Variants in F5 observed in about 807,000 individuals in gnomAD.
F5 encodes coagulation factor V.
A neutral mutation model predicts 216.4 loss-of-function variants in F5; 138 were observed. The ratio of observed to expected loss-of-function variants is 0.64; its 90% CI spans 0.56 to 0.73. The LOEUF (loss-of-function observed/expected upper bound fraction) is 0.73, where lower values mean the gene tolerates loss of function less well. F5 is among the 30% of genes least tolerant of loss of function. The probability of loss-of-function intolerance (pLI) is 0.00; values close to 1 mark genes in which losing one functional copy is unlikely to be tolerated. For synonymous variants in F5, 916 were observed against 930.7 expected (o/e 0.98, Z 0.29); for missense variants, 2,403 against 2,674.0 (o/e 0.90, Z 2.24).
At chr1:169,557,009 T>C (rs1413508300) in intron 5 of F5, 142 bp from the exon 6 acceptor site, 4 of 737,616 alleles carry the variant, frequency 5.4e-6, no homozygotes, top group Admixed American at 2.2e-5. Context: ...ACTCCAGTTG[T>C]AGTTTGTGCC....
intron 2 of F5, among the ~76,000 whole-genome samples, chr1:169,579,369 C>A (rs1167419928): frequency 6.6e-6 from 1 of 152,146 alleles, no homozygotes; most frequent in African/African-American, 2.4e-5. Flanking sequence ...CTGTCTGCAG[C>A]CTTCTCTTCT....
intron 4 of F5, among the ~76,000 whole-genome samples, chr1:169,559,905 A>G (rs7529700): frequency 0.32 from 48,802 of 151,706 alleles, 10,397 homozygotes; most frequent in East Asian, 0.65. Flanking sequence ...CTGAGCGTGT[A>G]TGTATAGGCA....
At chr1:169,580,272 G>T (rs1455195725) in intron 2 of F5, among the ~76,000 whole-genome samples, 1 of 151,990 alleles carries the variant, frequency 6.6e-6, no homozygotes, top group Non-Finnish European at 1.5e-5. Flanking sequence ...TCTATCCATA[G>T]GTTATCCCCA....
intron 3 of F5, among the ~76,000 whole-genome samples, chr1:169,565,745 T>G (rs535036857): frequency 6.6e-6 from 1 of 152,152 alleles, no homozygotes; most frequent in East Asian, 1.9e-4. Context: ...GGACCAATTT[T>G]GTTCACTGAA....
chr1:169,521,880 A>G (rs997976346), intron 21 of F5, among the ~76,000 whole-genome samples: 2 of 151,920 alleles, frequency 1.3e-5, no homozygotes, highest in Non-Finnish European at 2.9e-5. Flanking sequence ...CGGCCTCCCA[A>G]AGTGCTGGGA....
chr1:169,570,876 T>G (rs1203944430), intron 3 of F5, among the ~76,000 whole-genome samples: 1 of 152,086 alleles, frequency 6.6e-6, no homozygotes, highest in African/African-American at 2.4e-5. Flanking sequence ...ACATGATTAT[T>G]ATTACCATTT....
intron 10 of F5, among the ~76,000 whole-genome samples, chr1:169,548,633 T>G (rs1482255917): frequency 2.6e-5 from 4 of 152,120 alleles, no homozygotes; most frequent in African/African-American, 9.7e-5. Flanking sequence ...TTTGGGAGGC[T>G]GAGGCAGGTG....
intron 3 of F5, among the ~76,000 whole-genome samples, chr1:169,570,481 A>G (rs980988490): frequency 2.0e-5 from 3 of 152,002 alleles, no homozygotes; most frequent in African/African-American, 7.2e-5. Flanking sequence ...CATAGGAGAA[A>G]CTCCTGTTCC....
rs766405017 is a variant in F5, at chr1:169,524,820, A to G, written c.5788+17T>C. 6.8e-6 allele frequency: 11 copies of G among 1,609,520 alleles called. No individual in the cohort carries two copies. The South Asian group carries it at 8.8e-5, about 13-fold the overall frequency. On this transcript the variant is annotated intron_variant, in intron 19 of 24. Transcript: ENST00000367797. ...CTGTAGGGGGTACCATTCACAGACCATGGTGCTACAACTTACCCAGAAACT... is the reference window on the plus strand; with the variant it reads ...CTGTAGGGGGTACCATTCACAGACCGTGGTGCTACAACTTACCCAGAAACT...
intron 23 of F5, among the ~76,000 whole-genome samples, chr1:169,516,965 A>G (rs1659169146): frequency 6.6e-6 from 1 of 152,224 alleles, no homozygotes; most frequent in African/African-American, 2.4e-5. Context: ...AAAATGAAGT[A>G]TGGAGTGACA....
rs985316484 is a variant in F5 at position 169,536,658 on chromosome 1, C to G, written c.4819G>C (p.Asp1607His). 4.6e-5 allele frequency: 74 copies of G among 1,611,778 alleles called. No individual in the cohort carries two copies. Among genetic ancestry groups the G allele is most frequent in the Non-Finnish European group, 6.2e-5 (73 of 1,178,044 alleles). Residue 1607 changes from aspartate to histidine, a missense_variant, in exon 14 of 25, where the codon GAT becomes CAT. Transcript: ENST00000367797. ...VQRETDIEDS[D>H]DIPEDTTYKK... ...TATGTGGTATCTTCTGGAATATCAT[C>G]AGAGTCTTCAATATCTGTTTCCCTG... is the stretch of plus-strand genomic sequence containing the variant.
Position 169,514,119 on chromosome 1 carries a change from T to C in F5, c.*194A>G. ...TGTATTCAAATTAATGCAGAAGTAA[T>C]AGCCATTATCTTACTTACTGGTAGC... is the stretch of plus-strand genomic sequence containing the variant. On this transcript the variant is annotated 3_prime_UTR_variant, in exon 25 of 25. Transcript: ENST00000367797. 1.7e-6 allele frequency: 1 copy of C among 585,874 alleles called. No individual in the cohort carries two copies. Among genetic ancestry groups the C allele is most frequent in the Non-Finnish European group, 3.0e-6 (1 of 332,432 alleles). The allele number at this position is 585,874 out of a possible 1,614,324, so 36.3% of individuals were successfully genotyped here.
chr1:169,556,234 G>A (rs1660321300), intron 6 of F5, among the ~76,000 whole-genome samples: 1 of 151,890 alleles, frequency 6.6e-6, no homozygotes. Context: ...AAAGGTTAAT[G>A]TTTTCATGCT....
chr1:169,569,159 G>A (rs190210575), intron 3 of F5, among the ~76,000 whole-genome samples: 2 of 152,076 alleles, frequency 1.3e-5, no homozygotes, highest in East Asian at 3.9e-4. Flanking sequence ...CTCTACATAA[G>A]GCCAAAATAT....
At chr1:169,570,918 T>G (rs2101839219) in intron 3 of F5, among the ~76,000 whole-genome samples, 1 of 152,252 alleles carries the variant, frequency 6.6e-6, no homozygotes, top group East Asian at 1.9e-4. Context: ...ACACAGAGGT[T>G]AAATAACTTC....
chr1:169,559,136 C>T lies in F5; in HGVS notation c.730+17G>A, dbSNP rs779044188. 15 of 1,613,318 alleles carry T rather than the reference C, an allele frequency of 9.3e-6. No individual in the cohort carries two copies. In the South Asian group the frequency reaches 1.6e-4, roughly 18 times the overall value. ...ATGATTTTACTGTTGTTTAATGGTA[C>T]ACAGCCCTCGTGTTACCTGGCATTG... On this transcript the variant is annotated intron_variant, in intron 5 of 24. Transcript: ENST00000367797.
At chr1:169,560,871 A>G in intron 3 of F5, 105 bp from the exon 4 acceptor site, 1 of 905,222 alleles carries the variant, frequency 1.1e-6, no homozygotes, top group South Asian at 1.4e-5. Context: ...GGAGATGCAT[A>G]TGTCCTTCAA....
At chr1:169,534,271 C>T (rs1659655392) in intron 14 of F5, among the ~76,000 whole-genome samples, 1 of 152,164 alleles carries the variant, frequency 6.6e-6, no homozygotes, top group Non-Finnish European at 1.5e-5. Context: ...CTGAATAAAG[C>T]CCTTCCTTCT....
intron 17 of F5, 52 bp from the exon 18 acceptor site, chr1:169,526,069 G>A (rs761595066): frequency 1.7e-6 from 2 of 1,189,390 alleles, no homozygotes; most frequent in Non-Finnish European, 2.5e-6. Flanking sequence ...AGTAAATATT[G>A]TGGTTGATAG....
Sources: gnomAD v4.1 joint callset for allele counts (sites outside exome capture counted in the v4.1 genomes callset) on GRCh38, gnomAD v4.1.1 for gene constraint, MANE v1.5 for transcripts, NCBI Gene and HGNC (gene_info 2026-07-23, HGNC 2026-07-21) for gene names.